ZCCHC7: variants seen among roughly 807,000 people sequenced by gnomAD.
The protein encoded by ZCCHC7 is zinc finger CCHC-type containing 7, also known as zinc finger CCHC domain-containing protein 7.
Under a neutral mutation model 52.0 loss-of-function variants are expected in ZCCHC7, and 35 were observed. The observed-to-expected ratio is 0.67, with a 90% CI of 0.51 to 0.89. The LOEUF (loss-of-function observed/expected upper bound fraction) is 0.89. Among genes scored for constraint, ZCCHC7 ranks in the 40% least tolerant of loss-of-function variants. The probability of loss-of-function intolerance (pLI) is 0.00; values close to 1 mark genes in which losing one functional copy is unlikely to be tolerated. For missense variants in ZCCHC7, 574 were observed against 649.1 expected (o/e 0.88, Z 1.26); for synonymous variants, 217 against 221.5 (o/e 0.98, Z 0.18).
intron 2 of ZCCHC7, among the ~76,000 whole-genome samples, chr9:37,278,315 A>G (rs1827789050): frequency 6.6e-6 from 1 of 152,218 alleles, no homozygotes; most frequent in Admixed American, 6.5e-5. Flanking sequence ...TGCTGGAGAA[A>G]TAAAACTATA....
intron 2 of ZCCHC7, among the ~76,000 whole-genome samples, chr9:37,163,137 G>T (rs1588406486): frequency 1.3e-5 from 2 of 152,014 alleles, no homozygotes; most frequent in South Asian, 4.1e-4. Flanking sequence ...GGAGGTGGAG[G>T]TTGCTGTGAG....
At position 37,294,590 on chromosome 9, in the gene ZCCHC7, CAA is replaced by C. The variant is rs1430972863; in HGVS notation, c.611-7596_611-7595del. Among the ~76,000 whole-genome samples the C allele has an allele frequency of 2.0e-5, 3 of 152,068 alleles. No homozygotes were observed. In the East Asian group the frequency reaches 5.8e-4, roughly 29 times the overall value. ...AGAAATTGTAAGTTTTTTCCCTAAA[CAA>C]AGAGAACTGTCTTACTGAATTTTTA... On this transcript the variant is annotated intron_variant, in intron 2 of 8. Transcript: ENST00000336755.
At chr9:37,133,951 T>A (rs1842896078) in intron 2 of ZCCHC7, among the ~76,000 whole-genome samples, 1 of 152,196 alleles carries the variant, frequency 6.6e-6, no homozygotes, top group African/African-American at 2.4e-5. Context: ...CTTGAACTCC[T>A]GGCCTCAAGT....
At chr9:37,204,781 G>GA (rs1479464545) in intron 2 of ZCCHC7, among the ~76,000 whole-genome samples, 1 of 152,124 alleles carries the variant, frequency 6.6e-6, no homozygotes, top group Non-Finnish European at 1.5e-5. Context: ...GATTGTCTTG[G>GA]TTATGTGGGC....
intron 5 of ZCCHC7, among the ~76,000 whole-genome samples, chr9:37,307,460 A>G (rs1020478734): frequency 2.6e-5 from 4 of 152,114 alleles, no homozygotes; most frequent in Admixed American, 2.6e-4. Flanking sequence ...TGGCAATTCT[A>G]ATTGATTTAA....
At chr9:37,173,240 T>C (rs930504839) in intron 2 of ZCCHC7, among the ~76,000 whole-genome samples, 1 of 151,972 alleles carries the variant, frequency 6.6e-6, no homozygotes, top group African/African-American at 2.4e-5. Context: ...GGTGTCTCAT[T>C]GTTCATTTTG....
At position 37,354,828 on chromosome 9, in the gene ZCCHC7, T is replaced by C; in HGVS notation, c.1198+4T>C. 6.4e-7 allele frequency: 1 copy of C among 1,570,216 alleles called. No individual in the cohort carries two copies. The highest frequency in any genetic ancestry group is 8.7e-7 in the Non-Finnish European group (1 of 1,144,108). Reference sequence around the variant, plus strand: ...AGACTAAAACAAAAAATAAAAGGTATGTTGCTAGACTTCTTGTTAGATCAC... The same window carrying C: ...AGACTAAAACAAAAAATAAAAGGTACGTTGCTAGACTTCTTGTTAGATCAC... On this transcript the variant is annotated splice_donor_region_variant and intron_variant, in intron 8 of 8. Transcript: ENST00000336755. This position sits in a 1 kb window ranked among gnomAD's most constrained non-coding sequence, Gnocchi z 4.0.
At chr9:37,317,479 AG>A (rs1829872732) in intron 5 of ZCCHC7, among the ~76,000 whole-genome samples, 1 of 152,242 alleles carries the variant, frequency 6.6e-6, no homozygotes, top group African/African-American at 2.4e-5. Context: ...CAGGAGGCTG[AG>A]GCAGCAGAAT....
intron 2 of ZCCHC7, among the ~76,000 whole-genome samples, chr9:37,245,346 A>G (rs1826038263): frequency 6.6e-6 from 1 of 152,046 alleles, no homozygotes; most frequent in African/African-American, 2.4e-5. Flanking sequence ...TTAAAAATTA[A>G]AAGACTGAAA....
In ZCCHC7 at chr9:37,239,853, T is replaced by C. The variant is rs147570481; in HGVS notation, c.611-62335T>C. On this transcript the variant is annotated intron_variant, in intron 2 of 8. Transcript: ENST00000336755. ...TATGTTTAATTCAGGATGAGATTGG[T>C]TCCTAAAGCTTTTAAACAAAGACTT... 3.2e-3 allele frequency among the ~76,000 whole-genome samples: 485 copies of C among 152,256 alleles called. 1 individual carries two copies. The highest frequency in any genetic ancestry group is 5.9e-3 in the Non-Finnish European group (400 of 67,960).
In ZCCHC7 at chr9:37,126,878, A is replaced by C; in HGVS notation, c.546A>C (p.Glu182Asp). 1 of 1,614,192 alleles carries C rather than the reference A, an allele frequency of 6.2e-7. No homozygotes were observed. The highest frequency in any genetic ancestry group is 8.5e-7 in the Non-Finnish European group (1 of 1,180,024). The part of the protein sequence containing the change: ...NVESWMLLGC[E>D]VDDKDDDILL... ...AAAGCTGGATGCTACTGGGATGTGA[A>C]GTAGATGATAAAGATGATGATATCC... Residue 182 changes from glutamate to aspartate, a missense_variant, in exon 2 of 9, where the codon GAA (glutamate) becomes GAC (aspartate). Physicochemically the swap from Glu to Asp is conservative, Grantham distance 45. This residue lies in a region of ZCCHC7 where 403 missense variants were observed against 461.2 expected (regional missense o/e 0.87). Coordinates refer to ENST00000336755, the MANE Select transcript of ZCCHC7 (RefSeq NM_032226.3).
At chr9:37,356,795 T>G (rs763731934) in intron 8 of ZCCHC7, 40 bp from the exon 9 acceptor site, 3 of 1,533,488 alleles carry the variant, frequency 2.0e-6, no homozygotes, top group Non-Finnish European at 2.6e-6. Flanking sequence ...CATGGACTGT[T>G]TAGCTGCTGA....
At chr9:37,261,909 CA>C (rs1826882692) in intron 2 of ZCCHC7, among the ~76,000 whole-genome samples, 1 of 151,860 alleles carries the variant, frequency 6.6e-6, no homozygotes, top group Admixed American at 6.6e-5. Context: ...TAATAGGAAC[CA>C]GAGGTCTTAG....
chr9:37,122,080 C>T (rs1012053838), intron 1 of ZCCHC7, among the ~76,000 whole-genome samples: 2 of 152,104 alleles, frequency 1.3e-5, no homozygotes, highest in East Asian at 1.9e-4. Flanking sequence ...TGATTTAAAT[C>T]GGCCGGAGAT....
chr9:37,155,167 T>A (rs1820745672), intron 2 of ZCCHC7, among the ~76,000 whole-genome samples: 1 of 152,144 alleles, frequency 6.6e-6, no homozygotes, highest in Admixed American at 6.5e-5. Flanking sequence ...GAGACCATCC[T>A]GGCTAACACA....
chr9:37,126,714 C>G lies in ZCCHC7; in HGVS notation c.382C>G (p.Leu128Val). 1.9e-6 allele frequency: 3 copies of G among 1,614,064 alleles called. No homozygotes were observed. The South Asian group carries it at 3.3e-5, about 18-fold the overall frequency. The change falls in exon 2 of 9, where the codon CTG becomes GTG. Residue 128 changes from leucine to valine, a missense_variant. This residue lies in a region of ZCCHC7 where 403 missense variants were observed against 461.2 expected (regional missense o/e 0.87). Transcript: ENST00000336755. ...TTCTTCTTCTCTTCAATCTAATGAGCTGGTTGATAAGAAATGCAAGAGTGA... is the reference window on the plus strand; with the variant it reads ...TTCTTCTTCTCTTCAATCTAATGAGGTGGTTGATAAGAAATGCAAGAGTGA... ...GLSSSLQSNE[L>V]VDKKCKSDIE...
chr9:37,132,914 G>A lies in ZCCHC7; in HGVS notation c.610+5972G>A, dbSNP rs1213399050. Among the ~76,000 whole-genome samples the A allele has an allele frequency of 4.6e-5, 7 of 152,134 alleles. No homozygotes were observed. The East Asian group carries it at 5.8e-4, about 13-fold the overall frequency. ...GGCACTTTGGGAGGCCGAGGCGGGC[G>A]GATCACGAGGTCTGGAGTTCGAGAC... On this transcript the variant is annotated intron_variant, in intron 2 of 8. Coordinates refer to ENST00000336755, the MANE Select transcript of ZCCHC7 (RefSeq NM_032226.3).
intron 2 of ZCCHC7, among the ~76,000 whole-genome samples, chr9:37,142,038 G>C (rs547900160): frequency 5.1e-4 from 77 of 151,782 alleles, no homozygotes; most frequent in African/African-American, 1.8e-3. Flanking sequence ...TCAAATTATT[G>C]TGATCAAAGC....
At chr9:37,219,144 A>G (rs1824681536) in intron 2 of ZCCHC7, among the ~76,000 whole-genome samples, 1 of 152,212 alleles carries the variant, frequency 6.6e-6, no homozygotes, top group Admixed American at 6.5e-5. Flanking sequence ...AAACAAACAG[A>G]AAACAAAAGT....
Sources: gnomAD v4.1 joint callset for allele counts (sites outside exome capture counted in the v4.1 genomes callset) on GRCh38, gnomAD v4.1.1 for gene constraint, gnomAD v4.1.1 regional missense constraint, Gnocchi (gnomAD v3.1) non-coding constraint, MANE v1.5 for transcripts, NCBI Gene and HGNC (gene_info 2026-07-23, HGNC 2026-07-21) for gene names.